Variants in GPR158 observed in about 807,000 individuals in gnomAD.
The protein encoded by GPR158 is G protein-coupled receptor 158.
GPR158 carries 30 observed loss-of-function variants against 78.2 expected under a neutral mutation model. The ratio of observed to expected loss-of-function variants is 0.38; its 90% CI spans 0.29 to 0.52. The LOEUF (loss-of-function observed/expected upper bound fraction) is 0.52, where lower values mean the gene tolerates loss of function less well. Among genes scored for constraint, GPR158 ranks in the 20% least tolerant of loss-of-function variants. The pLI is 0.83. For synonymous variants in GPR158, 581 were observed against 591.1 expected, an observed-to-expected ratio of 0.98 and a Z score of 0.25; for missense variants, 1,463 against 1,523.5, an observed-to-expected ratio of 0.96 and a Z score of 0.66.
chr10:25,497,292 G>A (rs1487829770), intron 5 of GPR158, among the ~76,000 whole-genome samples: 1 of 152,146 alleles, frequency 6.6e-6, no homozygotes, highest in Non-Finnish European at 1.5e-5. Context: ...AGTGATACAT[G>A]CCCTCCTGTG....
chr10:25,189,126 A>G (rs1046768738), intron 1 of GPR158, among the ~76,000 whole-genome samples: 6 of 152,214 alleles, frequency 3.9e-5, no homozygotes, highest in Non-Finnish European at 1.5e-5. Context: ...TTCAAAAGTC[A>G]GGAAATAACA....
chr10:25,329,431 C>G (rs1341986888), intron 2 of GPR158, among the ~76,000 whole-genome samples: 2 of 147,782 alleles, frequency 1.4e-5, no homozygotes, highest in African/African-American at 2.6e-5. Flanking sequence ...CAGAGTGAGA[C>G]TCCGTTTCAA....
At chr10:25,249,489 A>G (rs1406770202) in intron 2 of GPR158, among the ~76,000 whole-genome samples, 1 of 151,826 alleles carries the variant, frequency 6.6e-6, no homozygotes, top group African/African-American at 2.4e-5. Context: ...ACGTCCCATC[A>G]ATACCTAATT....
At chr10:25,201,974 T>G (rs1852935432) in intron 1 of GPR158, among the ~76,000 whole-genome samples, 1 of 152,154 alleles carries the variant, frequency 6.6e-6, no homozygotes, top group African/African-American at 2.4e-5. Context: ...ATCAGAATGA[T>G]GCTGGCCTTA....
In GPR158 at chr10:25,435,078, G is replaced by A. The variant is rs577943938; in HGVS notation, c.1335+22605G>A. On this transcript the variant is annotated intron_variant, in intron 4 of 10. Coordinates refer to ENST00000376351, the MANE Select transcript of GPR158 (RefSeq NM_020752.3). ...ATTGTTGAGCTATCTAAGGATGTTA[G>A]ACATGTGGTCTGGCAGTACACAAAT... Among the ~76,000 whole-genome samples the A allele has an allele frequency of 7.2e-5, 11 of 152,318 alleles. No homozygotes were observed. In the East Asian group the frequency reaches 2.1e-3, roughly 29 times the overall value.
At chr10:25,570,209 A>G (rs763700838) in intron 6 of GPR158, among the ~76,000 whole-genome samples, 25 of 152,226 alleles carry the variant, frequency 1.6e-4, no homozygotes, top group Non-Finnish European at 2.5e-4. Context: ...GAATTCTTGA[A>G]TCTTTTAATC....
chr10:25,392,142 G>C (rs1834307947), intron 2 of GPR158, among the ~76,000 whole-genome samples: 1 of 152,260 alleles, frequency 6.6e-6, no homozygotes, highest in South Asian at 2.1e-4. Flanking sequence ...CCCAGTCTTG[G>C]GTATGTTCTT....
At chr10:25,418,908 TAGA>T (rs1166977211) in intron 4 of GPR158, among the ~76,000 whole-genome samples, 1 of 151,280 alleles carries the variant, frequency 6.6e-6, no homozygotes, top group Non-Finnish European at 1.5e-5. Flanking sequence ...TTAAAAAAAT[TAGA>T]AGTTGACAAG....
intron 2 of GPR158, among the ~76,000 whole-genome samples, chr10:25,322,178 G>A (rs1409422665): frequency 1.3e-5 from 2 of 151,996 alleles, no homozygotes; most frequent in Admixed American, 6.6e-5. Context: ...TCAGGAGATC[G>A]AGACCATCCT....
At chr10:25,194,753 A>G (rs935471067) in intron 1 of GPR158, among the ~76,000 whole-genome samples, 2 of 151,996 alleles carry the variant, frequency 1.3e-5, no homozygotes, top group African/African-American at 4.8e-5. Context: ...TGGTTTCGTT[A>G]TATTCCTTTC....
rs1834334213 is a variant in GPR158 at position 25,393,862 on chromosome 10, A to G, written c.1009-2049A>G. ...TCATATTTTTGGATCTGTTTCCTTC[A>G]CTGACTGAAGGCACTGCTTAGTGAT... On this transcript the variant is annotated intron_variant, in intron 2 of 10. Coordinates refer to ENST00000376351, the MANE Select transcript of GPR158 (RefSeq NM_020752.3). The G allele has an allele frequency of 2.0e-5, 3 of 152,206 alleles. No homozygotes were observed. The South Asian group carries it at 6.2e-4, about 31-fold the overall frequency. The allele number at this position is 152,206 out of a possible 1,614,324, so 9.4% of individuals were successfully genotyped here. A position where few individuals can be genotyped will look rare whatever the true frequency, so the allele number is the denominator to read the frequency against.
chr10:25,464,034 C>T (rs967994100), intron 4 of GPR158, among the ~76,000 whole-genome samples: 16 of 152,188 alleles, frequency 1.1e-4, no homozygotes, highest in African/African-American at 3.1e-4. Context: ...AAAAAAAGTG[C>T]GCATTTTGAA....
chr10:25,469,176 A>G (rs1835461145), intron 5 of GPR158, among the ~76,000 whole-genome samples: 1 of 152,126 alleles, frequency 6.6e-6, no homozygotes, highest in Admixed American at 6.6e-5. Flanking sequence ...TTCTTAATGT[A>G]CACTCTCTCT....
intron 2 of GPR158, among the ~76,000 whole-genome samples, chr10:25,322,704 C>T (rs114358340): frequency 6.6e-6 from 1 of 152,188 alleles, no homozygotes; most frequent in Non-Finnish European, 1.5e-5. Flanking sequence ...CAAAATCACT[C>T]CTTGATCCCT....
intron 2 of GPR158, among the ~76,000 whole-genome samples, chr10:25,235,034 G>T (rs986731750): frequency 6.6e-6 from 1 of 152,084 alleles, no homozygotes; most frequent in African/African-American, 2.4e-5. Flanking sequence ...CTTTAAATAG[G>T]TAAAATAATT....
chr10:25,263,981 G>C (rs755385634), intron 2 of GPR158, among the ~76,000 whole-genome samples: 2 of 152,074 alleles, frequency 1.3e-5, no homozygotes, highest in African/African-American at 2.4e-5. Flanking sequence ...CCATCTTTTG[G>C]TATTATCCTT....
At chr10:25,475,279 C>T (rs1369260537) in intron 5 of GPR158, among the ~76,000 whole-genome samples, 17 of 152,012 alleles carry the variant, frequency 1.1e-4, no homozygotes, top group East Asian at 1.9e-4. Context: ...AAAACAAAAA[C>T]GGAGGCTTAC....
chr10:25,344,074 C>T (rs548908673), intron 2 of GPR158, among the ~76,000 whole-genome samples: 5 of 151,986 alleles, frequency 3.3e-5, no homozygotes, highest in South Asian at 2.1e-4. Flanking sequence ...GCATTCTTCT[C>T]GGAAGAGACA....
At chr10:25,330,543 T>C (rs926349209) in intron 2 of GPR158, among the ~76,000 whole-genome samples, 1 of 152,234 alleles carries the variant, frequency 6.6e-6, no homozygotes, top group African/African-American at 2.4e-5. Flanking sequence ...AGTAGATTGA[T>C]CCTGTTATCA....
Sources: gnomAD v4.1 joint callset for allele counts (sites outside exome capture counted in the v4.1 genomes callset) on GRCh38, gnomAD v4.1.1 for gene constraint, MANE v1.5 for transcripts, NCBI Gene and HGNC (gene_info 2026-07-23, HGNC 2026-07-21) for gene names.